The following MYH3 variants were observed in gnomAD, a reference collection of about 807,000 sequenced individuals.
MYH3 encodes the protein myosin-3.
Under a neutral mutation model 238.0 loss-of-function variants are expected in MYH3, and 130 were observed. The ratio of observed to expected loss-of-function variants is 0.55; its 90% confidence interval spans 0.47 to 0.63. The LOEUF is 0.63. Among genes scored for constraint, MYH3 ranks in the 30% least tolerant of loss-of-function variants. The pLI is 0.00. For synonymous variants in MYH3, 880 were observed against 924.1 expected (o/e 0.95, Z 0.86); for missense variants, 1,853 against 2,374.9 (o/e 0.78, Z 4.57).
chr17:10,641,055 C>T (rs773407231), intron 19 of MYH3, 30 bp downstream of exon 19: 5 of 1,488,974 alleles, frequency 3.4e-6, no homozygotes, highest in Non-Finnish European at 4.7e-6. Context: ...CATCTCATCC[C>T]CAAGCATATA....
chr17:10,648,480 A>T (rs2142416117), intron 8 of MYH3, 77 bp downstream of exon 8: 2 of 1,217,930 alleles, frequency 1.6e-6, no homozygotes, highest in South Asian at 1.2e-5. Context: ...TCTGGTCTCT[A>T]CACTCTTTGA....
chr17:10,639,353 T>C lies in MYH3; in HGVS notation c.3047A>G (p.Asp1016Gly), dbSNP rs766510090. ...GGTTTTGTTCAAAGAATTGACTTTG[T>C]CTTCTTCAGCTTGGAGGTCATCCAA... Reference protein sequence around the residue: ...QALDDLQAEEDKVNSLNKTKS... With the variant: ...QALDDLQAEEGKVNSLNKTKS... Residue 1016 changes from aspartate (D) to glycine (G), a missense_variant, in exon 24 of 41, where the codon GAC becomes GGC. Around this residue, in one of 3 missense-constraint regions of MYH3, gnomAD observed 1,044 missense variants for 1,192.6 expected, o/e 0.88. Transcript: ENST00000583535. 1 of 1,614,224 alleles carries C rather than the reference T, an allele frequency of 6.2e-7. No homozygotes were observed. The highest frequency in any genetic ancestry group is 1.1e-5 in the South Asian group (1 of 91,076).
chr17:10,636,288 C>CAAAAAA (rs397786526), intron 28 of MYH3, among the ~76,000 whole-genome samples: 4 of 81,030 alleles, frequency 4.9e-5, no homozygotes, highest in Non-Finnish European at 8.9e-5. Flanking sequence ...GCCTCAATCT[C>CAAAAAA]AAAAAAAAAA....
At chr17:10,676,779 A>G in the MYH3 span, 1 of 152,164 alleles carries the variant, frequency 6.6e-6, no homozygotes, top group Non-Finnish European at 1.5e-5. Context: ...TTCTTCCTTC[A>G]ACTTTTCTGT....
Position 10,629,753 on chromosome 17 carries a change from G to C in MYH3, c.5659-19C>G. ...GTTCATCCTAAAACCAAAGAGCCCA[G>C]GCAGGTTATATCAGCACGCGCCTCT... On this transcript the variant is annotated intron_variant, in intron 39 of 40. Coordinates refer to ENST00000583535, the MANE Select transcript of MYH3 (RefSeq NM_002470.4). 1 of 1,614,222 alleles carries C rather than the reference G, an allele frequency of 6.2e-7. No individual in the cohort carries two copies. The highest frequency in any genetic ancestry group is 8.5e-7 in the Non-Finnish European group (1 of 1,180,054).
At chr17:10,644,094 T>C in intron 14 of MYH3, among the ~76,000 whole-genome samples, 1 of 151,802 alleles carries the variant, frequency 6.6e-6, no homozygotes, top group South Asian at 2.1e-4. Context: ...CAGGAAGAGG[T>C]TGCAGTGAGC....
In MYH3 at chr17:10,638,244, G is replaced by A. The variant is rs1475093889; in HGVS notation, c.3528C>T (p.Arg1176=). Residue 1176 remains arginine, a synonymous_variant, in exon 27 of 41, where the codon CGC becomes CGT. Transcript: ENST00000583535. ...GCAGTGTGGCCTCCTCCAGGTCCCT[G>A]CGCAGCTTCAGGAACTCCGCCTCCC... The part of the protein sequence containing the change: ...KKREAEFLKL[R]RDLEEATLQH... The A allele has an allele frequency of 1.2e-6, 2 of 1,613,860 alleles. No homozygotes were observed. Among genetic ancestry groups the A allele is most frequent in the South Asian group, 2.2e-5 (2 of 91,058 alleles).
chr17:10,652,954 A>G (rs554818274), intron 3 of MYH3, among the ~76,000 whole-genome samples: 2 of 152,110 alleles, frequency 1.3e-5, no homozygotes, highest in South Asian at 4.2e-4. Flanking sequence ...CCCCACCAAA[A>G]GACCAAGAGA....
At chr17:10,660,172 G>A (rs555635977), upstream of MYH3, among the ~76,000 whole-genome samples, 5 of 152,224 alleles carry the variant, frequency 3.3e-5, no homozygotes, top group African/African-American at 1.2e-4. Context: ...GACTAGTTAT[G>A]TGCATTCAGC....
intron 19 of MYH3, 71 bp from the exon 20 acceptor site, chr17:10,640,757 G>A (rs2074263830): frequency 6.4e-7 from 1 of 1,562,314 alleles, no homozygotes; most frequent in African/African-American, 1.4e-5. Flanking sequence ...ATGTAGTTCA[G>A]GCCTCTCTTC....
At chr17:10,672,056 T>C in the MYH3 span, among the ~76,000 whole-genome samples, 167 of 152,332 alleles carry the variant, frequency 1.1e-3, 1 homozygote, top group East Asian at 0.024. Flanking sequence ...ATCCCTACTA[T>C]TTTAGTCTGA....
intron 27 of MYH3, 42 bp downstream of exon 27, chr17:10,638,001 G>A (rs751780276): frequency 6.2e-7 from 1 of 1,614,060 alleles, no homozygotes; most frequent in South Asian, 1.1e-5. Context: ...CACGGAGTGT[G>A]TCTGATGGAA....
Position 10,629,688 on chromosome 17 carries a change from T to A in MYH3, c.5705A>T (p.His1902Leu). 1 of 1,614,266 alleles carries A rather than the reference T, an allele frequency of 6.2e-7. No homozygotes were observed. ...AHLTKFRKAQ[H>L]ELEEAEERAD... ...ACGTTCCTCGGCCTCCTCCAGCTCA[T>A]GCTGAGCCTTTCGGAATTTGGTGAG... The change falls in exon 40 of 41, where the codon CAT (histidine) becomes CTT (leucine). Residue 1902 changes from histidine to leucine, a missense_variant. This residue lies in a region of MYH3 where 1,044 missense variants were observed against 1,192.6 expected (regional missense o/e 0.88). Coordinates refer to ENST00000583535, the MANE Select transcript of MYH3 (RefSeq NM_002470.4).
intron 31 of MYH3, 26 bp downstream of exon 31, chr17:10,634,814 C>T: frequency 3.1e-6 from 5 of 1,614,014 alleles, no homozygotes; most frequent in Non-Finnish European, 4.2e-6. Flanking sequence ...TCATGGCATT[C>T]ACCCAGCACA....
the MYH3 span, among the ~76,000 whole-genome samples, chr17:10,664,622 G>A: frequency 6.6e-4 from 101 of 152,224 alleles, 1 homozygote; most frequent in South Asian, 0.018. Context: ...CCTAAGCCAC[G>A]GGGAAACCTA....
chr17:10,647,884 C>T (rs2074338869), intron 8 of MYH3, among the ~76,000 whole-genome samples: 1 of 144,794 alleles, frequency 6.9e-6, no homozygotes. Context: ...CCTCTTCTCC[C>T]TTCTTCTTCT....
At chr17:10,632,825 T>C in intron 33 of MYH3, 41 bp from the exon 34 acceptor site, 1 of 1,601,162 alleles carries the variant, frequency 6.2e-7, no homozygotes, top group Non-Finnish European at 8.6e-7. Flanking sequence ...TCTGTGATGG[T>C]ATGGAGCCAG....
chr17:10,666,047 A>G, the MYH3 span, among the ~76,000 whole-genome samples: 1 of 152,188 alleles, frequency 6.6e-6, no homozygotes, highest in Non-Finnish European at 1.5e-5. Context: ...CCAGATGGCT[A>G]TTTGGAAAAA....
Position 10,643,021 on chromosome 17 carries a change from G to T in MYH3, c.1411-25C>A. 3 of 1,614,116 alleles carry T rather than the reference G, an allele frequency of 1.9e-6. No individual in the cohort carries two copies. The East Asian group carries it at 6.7e-5, about 36-fold the overall frequency. On this transcript the variant is annotated intron_variant, in intron 14 of 40. Coordinates refer to ENST00000583535, the MANE Select transcript of MYH3 (RefSeq NM_002470.4). ...ACTAATAAAAAAATACAACATTCAT[G>T]TGAAAAGTTAGACTTCTTTCAGAAT... is the stretch of plus-strand genomic sequence containing the variant.
Sources: gnomAD v4.1 joint callset for allele counts (sites outside exome capture counted in the v4.1 genomes callset) on GRCh38, gnomAD v4.1.1 for gene constraint, gnomAD v4.1.1 regional missense constraint, MANE v1.5 for transcripts, NCBI Gene and HGNC (gene_info 2026-07-23, HGNC 2026-07-21) for gene names.